Variants in MCTP2 observed in about 807,000 individuals in gnomAD.
MCTP2 encodes the protein multiple C2 and transmembrane domain-containing protein 2.
In MCTP2, 132 loss-of-function variants were observed where a neutral mutation model predicts 111.6. The observed-to-expected ratio is 1.18, with a 90% CI of 1.03 to 1.37. The LOEUF is 1.37. Ranked by LOEUF, MCTP2 falls within the 40% of genes most tolerant of loss-of-function variation. MCTP2 has a pLI of 0.00. For synonymous variants in MCTP2, 395 were observed against 387.7 expected (o/e 1.02, Z -0.22); for missense variants, 1,183 against 1,067.9 (o/e 1.11, Z -1.50).
Position 94,360,192 on chromosome 15 carries a change from C to G in MCTP2, c.1301+1580C>G, listed in dbSNP as rs191674552. The stretch of plus-strand genomic sequence containing the variant: ...GTTGCATTACTTTGCACCATCTGCA[C>G]ATCCCCAATTCTATGCTTGTCTGTT... On this transcript the variant is annotated intron_variant, in intron 10 of 22. Coordinates refer to ENST00000357742, the MANE Select transcript of MCTP2 (RefSeq NM_001385001.1). Among the ~76,000 whole-genome samples, 14 of 152,368 alleles carry G rather than the reference C, an allele frequency of 9.2e-5. No individual in the cohort carries two copies. In the East Asian group the frequency reaches 2.5e-3, roughly 27 times the overall value.
At chr15:94,233,168 T>C (rs907341532) in intron 1 of MCTP2, among the ~76,000 whole-genome samples, 2 of 152,154 alleles carry the variant, frequency 1.3e-5, no homozygotes, top group African/African-American at 4.8e-5. Context: ...GGAGTTAAAG[T>C]AGTCCTCAGG....
At chr15:94,263,933 C>A (rs2152286197) in intron 1 of MCTP2, among the ~76,000 whole-genome samples, 1 of 152,300 alleles carries the variant, frequency 6.6e-6, no homozygotes, top group South Asian at 2.1e-4. Context: ...AACAGCTAAA[C>A]CCTTTCTTCC....
At chr15:94,374,664 C>T (rs1469277951) in intron 12 of MCTP2, among the ~76,000 whole-genome samples, 2 of 152,114 alleles carry the variant, frequency 1.3e-5, no homozygotes, top group East Asian at 1.9e-4. Flanking sequence ...ACTTCCTTCC[C>T]CATAAAGGAT....
intron 2 of MCTP2, among the ~76,000 whole-genome samples, chr15:94,300,295 G>A (rs949448738): frequency 6.6e-6 from 1 of 152,020 alleles, no homozygotes; most frequent in African/African-American, 2.4e-5. Flanking sequence ...AGATCACGAG[G>A]TCAGGAGATT....
chr15:94,360,198 C>T (rs2078852641), intron 10 of MCTP2, among the ~76,000 whole-genome samples: 1 of 152,198 alleles, frequency 6.6e-6, no homozygotes, highest in East Asian at 1.9e-4. Context: ...TGCACATCCC[C>T]AATTCTATGC....
In MCTP2 at chr15:94,482,687, T is replaced by C. The variant is rs867232189; in HGVS notation, c.*3653T>C. ...AAAGGCAAACATTGTATATGAAAAG[T>C]GATCAAAACTACATGCTTCAAGAAA... On this transcript the variant is annotated 3_prime_UTR_variant, in exon 23 of 23. Coordinates refer to ENST00000357742, the MANE Select transcript of MCTP2 (RefSeq NM_001385001.1). 2 of 152,218 alleles carry C rather than the reference T, an allele frequency of 1.3e-5. No homozygotes were observed. The highest frequency in any genetic ancestry group is 4.1e-4 in the South Asian group (2 of 4,826). The allele number at this position is 152,218 out of a possible 1,614,324, so 9.4% of individuals were successfully genotyped here. A position where few individuals can be genotyped will look rare whatever the true frequency, so the allele number is the denominator to read the frequency against.
At chr15:94,476,573 G>A (rs897948404) in intron 21 of MCTP2, 123 bp from the exon 22 acceptor site, 1 of 600,460 alleles carries the variant, frequency 1.7e-6, no homozygotes, top group Non-Finnish European at 2.8e-6. Context: ...AGTTTTTGAA[G>A]ATAGATGCTA....
intron 4 of MCTP2, among the ~76,000 whole-genome samples, chr15:94,334,094 C>G (rs1390939162): frequency 8.5e-5 from 13 of 152,102 alleles, no homozygotes; most frequent in Admixed American, 6.6e-5. Flanking sequence ...ACACTCTTCC[C>G]CTTTATAACT....
intron 10 of MCTP2, among the ~76,000 whole-genome samples, chr15:94,361,666 A>G (rs980904605): frequency 6.6e-6 from 1 of 152,232 alleles, no homozygotes; most frequent in Non-Finnish European, 1.5e-5. Flanking sequence ...TTAAGAAAAT[A>G]AGATATGACT....
chr15:94,398,005 A>C (rs1301094497), intron 14 of MCTP2, among the ~76,000 whole-genome samples: 2 of 152,240 alleles, frequency 1.3e-5, no homozygotes, highest in Non-Finnish European at 2.9e-5. Flanking sequence ...TGATGAAATC[A>C]AGCTAATTAA....
At chr15:94,419,229 A>C (rs931567700) in intron 17 of MCTP2, among the ~76,000 whole-genome samples, 16 of 152,186 alleles carry the variant, frequency 1.1e-4, no homozygotes, top group African/African-American at 3.9e-4. Flanking sequence ...CCAGACACCA[A>C]GTCTGATATT....
chr15:94,308,443 G>A lies in MCTP2; in HGVS notation c.466-5839G>A, dbSNP rs569963974. On this transcript the variant is annotated intron_variant, in intron 2 of 22. Coordinates refer to ENST00000357742, the MANE Select transcript of MCTP2 (RefSeq NM_001385001.1). Reference sequence around the variant, plus strand: ...AGCCCAACCTAGAGTGCTCTCCAGGGCCGAACTCTCCAGCTTTCCTGTGAT... The same window carrying A: ...AGCCCAACCTAGAGTGCTCTCCAGGACCGAACTCTCCAGCTTTCCTGTGAT... 6.6e-5 allele frequency among the ~76,000 whole-genome samples: 10 copies of A among 152,254 alleles called. No homozygotes were observed. The East Asian group carries it at 1.7e-3, about 26-fold the overall frequency.
At chr15:94,377,116 C>G (rs2079819202) in intron 12 of MCTP2, among the ~76,000 whole-genome samples, 1 of 152,096 alleles carries the variant, frequency 6.6e-6, no homozygotes, top group East Asian at 1.9e-4. Context: ...GTTAAGACTG[C>G]TTGTGTCAGA....
rs1362657866 is a variant in MCTP2, at chr15:94,403,147, C to A, written c.2085+1128C>A. The A allele has an allele frequency of 5.1e-6, 5 of 985,898 alleles. No individual in the cohort carries two copies. In the South Asian group the frequency reaches 2.3e-4, roughly 46 times the overall value. 61.1% of individuals were successfully genotyped at this position (985,898 alleles called of 1,614,324 possible). A position where few individuals can be genotyped will look rare whatever the true frequency, so the allele number is the denominator to read the frequency against. ...CGTTTATTTTAGTTCTCCACTGCTT[C>A]GGTGTAGAGGACCTATGCTGCCTGT... On this transcript the variant is annotated intron_variant, in intron 17 of 22. Transcript: ENST00000357742.
At chr15:94,412,780 G>A (rs754158125) in intron 17 of MCTP2, among the ~76,000 whole-genome samples, 82 of 151,632 alleles carry the variant, frequency 5.4e-4, no homozygotes, top group Non-Finnish European at 1.2e-4. Context: ...CATAGCAAGA[G>A]CAGTTTTCCT....
intron 1 of MCTP2, among the ~76,000 whole-genome samples, chr15:94,245,584 G>A (rs28721928): frequency 7.1e-6 from 1 of 141,304 alleles, no homozygotes; most frequent in African/African-American, 2.6e-5. Flanking sequence ...ATACGTATAT[G>A]TACATATACG....
chr15:94,243,855 A>G (rs1050487290), intron 1 of MCTP2, among the ~76,000 whole-genome samples: 4 of 148,174 alleles, frequency 2.7e-5, no homozygotes, highest in Non-Finnish European at 4.5e-5. Flanking sequence ...ACATATATGT[A>G]TACACATACA....
intron 10 of MCTP2, among the ~76,000 whole-genome samples, chr15:94,362,605 T>G (rs141005276): frequency 2.1e-4 from 32 of 152,320 alleles, no homozygotes; most frequent in African/African-American, 6.7e-4. Flanking sequence ...GCTTGACACA[T>G]TCACCATTTT....
intron 20 of MCTP2, among the ~76,000 whole-genome samples, chr15:94,467,713 T>A (rs564521917): frequency 1.3e-5 from 2 of 152,198 alleles, no homozygotes; most frequent in African/African-American, 4.8e-5. Context: ...CCCTGTGCCC[T>A]TGGGCAAGGA....
Sources: allele counts gnomAD v4.1 joint callset (sites outside exome capture counted in the v4.1 genomes callset), GRCh38; gene constraint gnomAD v4.1.1; transcripts MANE v1.5; gene names NCBI Gene and HGNC (gene_info 2026-07-23, HGNC 2026-07-21).